ARHGEF11: variants seen among roughly 807,000 people sequenced by gnomAD.
ARHGEF11 encodes the protein Rho guanine nucleotide exchange factor 11, also known as Rho guanine exchange factor (GEF) 11.
Under a neutral mutation model 193.7 loss-of-function variants are expected in ARHGEF11, and 55 were observed. The ratio of observed to expected loss-of-function variants is 0.28; its 90% CI spans 0.23 to 0.36. The LOEUF (loss-of-function observed/expected upper bound fraction) is 0.36, where lower values mean the gene tolerates loss of function less well. ARHGEF11 is among the 10% of genes least tolerant of loss of function. The probability of loss-of-function intolerance (pLI) is 1.00; values close to 1 mark genes in which losing one functional copy is unlikely to be tolerated. For synonymous variants in ARHGEF11, 693 were observed against 768.0 expected, an observed-to-expected ratio of 0.90 and a Z score of 1.62; for missense variants, 1,723 against 2,005.6, an observed-to-expected ratio of 0.86 and a Z score of 2.69.
chr1:156,999,235 T>C (rs564823382), intron 1 of ARHGEF11, among the ~76,000 whole-genome samples: 2 of 152,316 alleles, frequency 1.3e-5, no homozygotes, highest in African/African-American at 4.8e-5. Flanking sequence ...AGTGTTATTT[T>C]CCTTTACGGA....
rs1658641437 is a variant in ARHGEF11 at position 156,948,867 on chromosome 1, C to T, written c.1926-369G>A. ...GAAGGTGGTAGACATCATCGTCCCT[C>T]AACAGGGAACACAAGGTCCCAGCTC... On this transcript the variant is annotated intron_variant, in intron 22 of 40. Transcript: ENST00000368194. The surrounding 1 kb of genome is among the most constrained non-coding windows in gnomAD (Gnocchi z 4.2). 8 of 985,402 alleles carry T rather than the reference C, an allele frequency of 8.1e-6. No homozygotes were observed. Among genetic ancestry groups the T allele is most frequent in the Non-Finnish European group, 9.6e-6 (8 of 829,912 alleles). 61.0% of individuals were successfully genotyped at this position (985,402 alleles called of 1,614,324 possible).
At chr1:156,951,953 T>C (rs967412022) in intron 21 of ARHGEF11, among the ~76,000 whole-genome samples, 3 of 152,060 alleles carry the variant, frequency 2.0e-5, no homozygotes, top group African/African-American at 7.2e-5. Context: ...AAGTATATTT[T>C]CCATAAGCAT....
At chr1:156,970,353 T>TA (rs1662330181) in intron 8 of ARHGEF11, among the ~76,000 whole-genome samples, 1 of 152,032 alleles carries the variant, frequency 6.6e-6, no homozygotes, top group African/African-American at 2.4e-5. Flanking sequence ...TCAAGAAGTA[T>TA]AAAAAAAGAC....
chr1:156,980,378 A>T (rs1264622982), intron 4 of ARHGEF11, 59 bp downstream of exon 4: 1 of 1,561,002 alleles, frequency 6.4e-7, no homozygotes, highest in Non-Finnish European at 8.7e-7. Context: ...CAAGGCCAGG[A>T]GTGCCCTGCA....
At chr1:157,013,295 A>ACACACACACC in intron 1 of ARHGEF11, among the ~76,000 whole-genome samples, 1 of 149,930 alleles carries the variant, frequency 6.7e-6, no homozygotes, top group Middle Eastern at 3.4e-3. Flanking sequence ...ACACACACAC[A>ACACACACACC]CACACCAAGA....
At chr1:157,009,828 T>C (rs369473449) in intron 1 of ARHGEF11, among the ~76,000 whole-genome samples, 1 of 152,222 alleles carries the variant, frequency 6.6e-6, no homozygotes, top group African/African-American at 2.4e-5. Flanking sequence ...TTCATTCCAA[T>C]GTAAAAAGGC....
chr1:157,005,230 T>A (rs822579), intron 1 of ARHGEF11, among the ~76,000 whole-genome samples: 53,085 of 152,040 alleles, frequency 0.35, 10,831 homozygotes, highest in Middle Eastern at 0.5. Flanking sequence ...GACTGCCTTA[T>A]ACCCACCATT....
chr1:156,936,956 G>A lies in ARHGEF11; in HGVS notation c.4490C>T (p.Ser1497Leu). 2 of 1,614,106 alleles carry A rather than the reference G, an allele frequency of 1.2e-6. No homozygotes were observed. The highest frequency in any genetic ancestry group is 2.2e-5 in the South Asian group (2 of 91,066). Residue 1497 changes from serine to leucine, a missense_variant, in exon 40 of 41, where the codon TCA (serine) becomes TTA (leucine). Coordinates refer to ENST00000368194, the MANE Select transcript of ARHGEF11 (RefSeq NM_198236.3). Reference sequence around the variant, plus strand: ...GCCCACAGGCGTGGTGCCACCAGATGACTCTCCCCCAAGGGACTTGAGCAG... The same window carrying A: ...GCCCACAGGCGTGGTGCCACCAGATAACTCTCCCCCAAGGGACTTGAGCAG... ...RELLKSLGGE[S>L]SGGTTPVGSF...
At chr1:156,988,705 G>A (rs748580236) in intron 1 of ARHGEF11, among the ~76,000 whole-genome samples, 24 of 152,180 alleles carry the variant, frequency 1.6e-4, no homozygotes, top group Non-Finnish European at 3.2e-4. Flanking sequence ...CATTTCAGCA[G>A]TAACCAAAAG....
intron 17 of ARHGEF11, 31 bp downstream of exon 17, chr1:156,958,711 C>A: frequency 1.9e-6 from 3 of 1,613,710 alleles, no homozygotes; most frequent in Non-Finnish European, 2.5e-6. Flanking sequence ...TTAGGATGTT[C>A]AGTGGGGTGG....
intron 19 of ARHGEF11, 105 bp from the exon 20 acceptor site, chr1:156,955,904 C>T: frequency 1.2e-6 from 1 of 852,446 alleles, no homozygotes; most frequent in South Asian, 1.4e-5. Context: ...CAGCAAGTAA[C>T]TGGAGAGCTG....
Position 156,937,479 on chromosome 1 carries a change from T to G in ARHGEF11, c.4210A>C (p.Ser1404Arg), listed in dbSNP as rs537627128. 28 of 1,529,378 alleles carry G rather than the reference T, an allele frequency of 1.8e-5. No homozygotes were observed. In the South Asian group the frequency reaches 3.3e-4, roughly 18 times the overall value. The allele number at this position is 1,529,378 out of a possible 1,614,324, so 94.7% of individuals were successfully genotyped here. A position where few individuals can be genotyped will look rare whatever the true frequency, so the allele number is the denominator to read the frequency against. The stretch of plus-strand genomic sequence containing the variant: ...GAGTCCGGGGGTCCTGATGGCATGC[T>G]GACATAAAAGCAGTTCCCTGTCCCC... ...TKATGNCFYV[S>R]MPSGPPDSST... Residue 1404 changes from serine to arginine, a missense_variant, in exon 39 of 41, where the codon AGC (serine) becomes CGC (arginine). Ser to Arg is a moderately radical substitution (Grantham distance 110, BLOSUM62 -1). This residue lies in a region of ARHGEF11 where 360 missense variants were observed against 344.4 expected (regional missense o/e 1.05). Transcript: ENST00000368194.
chr1:156,988,412 G>T (rs926316397), intron 1 of ARHGEF11, among the ~76,000 whole-genome samples: 1 of 152,116 alleles, frequency 6.6e-6, no homozygotes, highest in African/African-American at 2.4e-5. Flanking sequence ...CTCTATGACT[G>T]CACAGGGCTA....
intron 11 of ARHGEF11, among the ~76,000 whole-genome samples, chr1:156,965,717 G>C (rs568357558): frequency 2.9e-4 from 44 of 152,250 alleles, no homozygotes; most frequent in African/African-American, 1.0e-3. Context: ...AGAGAGGCTT[G>C]GTCACATGTA....
At chr1:156,991,932 G>A (rs943491839) in intron 1 of ARHGEF11, among the ~76,000 whole-genome samples, 1 of 148,186 alleles carries the variant, frequency 6.7e-6, no homozygotes, top group South Asian at 2.2e-4. Flanking sequence ...TAGCCGGGAT[G>A]GTCTCGATCT....
chr1:156,957,675 T>C, intron 18 of ARHGEF11, 117 bp downstream of exon 18: 1 of 1,163,294 alleles, frequency 8.6e-7, no homozygotes, highest in Non-Finnish European at 1.3e-6. Context: ...ACCACGGTCC[T>C]TCATGGTTGT....
intron 1 of ARHGEF11, among the ~76,000 whole-genome samples, chr1:157,005,928 GAA>G (rs1263467637): frequency 6.6e-6 from 1 of 152,194 alleles, no homozygotes; most frequent in Non-Finnish European, 1.5e-5. Flanking sequence ...CTCCTTGAAA[GAA>G]AAGAGTATAT....
chr1:156,936,106 G>A lies in ARHGEF11; in HGVS notation c.4631-48C>T, dbSNP rs556043282. 2.1e-5 allele frequency: 33 copies of A among 1,565,160 alleles called. No homozygotes were observed. The East Asian group carries it at 4.0e-4, about 19-fold the overall frequency. ...AGGAACTGGCCAGCCTGAGGTGACC[G>A]CTTCCACATGTTTTGTCTAGAAAGT... On this transcript the variant is annotated intron_variant, in intron 40 of 40. Coordinates refer to ENST00000368194, the MANE Select transcript of ARHGEF11 (RefSeq NM_198236.3).
chr1:157,029,943 C>A (rs1265123841), intron 1 of ARHGEF11, among the ~76,000 whole-genome samples: 2 of 151,448 alleles, frequency 1.3e-5, no homozygotes, highest in African/African-American at 2.4e-5. Flanking sequence ...CCAGAATAGG[C>A]AAAACCATAG....
Sources: gnomAD v4.1 joint callset for allele counts (sites outside exome capture counted in the v4.1 genomes callset) on GRCh38, gnomAD v4.1.1 for gene constraint, gnomAD v4.1.1 regional missense constraint, Gnocchi (gnomAD v3.1) non-coding constraint, MANE v1.5 for transcripts, NCBI Gene and HGNC (gene_info 2026-07-23, HGNC 2026-07-21) for gene names.